Variants in MARK1 observed in about 807,000 individuals in gnomAD.
MARK1 encodes microtubule affinity regulating kinase 1, also known as serine/threonine-protein kinase MARK1.
Under a neutral mutation model 96.3 loss-of-function variants are expected in MARK1, and 40 were observed. The observed-to-expected ratio is 0.42, with a 90% CI of 0.32 to 0.54. The LOEUF (loss-of-function observed/expected upper bound fraction) is 0.54, where lower values mean the gene tolerates loss of function less well. Among genes scored for constraint, MARK1 ranks in the 20% least tolerant of loss-of-function variants. The pLI, the probability that MARK1 is intolerant of heterozygous loss-of-function variation, is 0.16. For missense variants in MARK1, 719 were observed against 984.6 expected (o/e 0.73, Z 3.61); for synonymous variants, 317 against 341.2 (o/e 0.93, Z 0.78).
At chr1:220,600,531 A>G in intron 5 of MARK1, among the ~76,000 whole-genome samples, 1 of 152,186 alleles carries the variant, frequency 6.6e-6, no homozygotes, top group Middle Eastern at 3.2e-3. Context: ...TAAACGAGAA[A>G]TGTGTCAGCT....
intron 1 of MARK1, among the ~76,000 whole-genome samples, chr1:220,558,192 G>T (rs1662420115): frequency 6.7e-6 from 1 of 149,120 alleles, no homozygotes; most frequent in Non-Finnish European, 1.5e-5. Context: ...GGAAATGGCA[G>T]GGGAAACATT....
intron 9 of MARK1, among the ~76,000 whole-genome samples, chr1:220,619,195 C>T (rs1207683147): frequency 6.6e-6 from 1 of 152,208 alleles, no homozygotes; most frequent in Non-Finnish European, 1.5e-5. Context: ...AAATGTAGGG[C>T]TGGGCACGGT....
intron 1 of MARK1, chr1:220,572,005 G>A (rs916933313): frequency 1.3e-5 from 2 of 152,224 alleles, no homozygotes; most frequent in African/African-American, 4.8e-5. Context: ...TTGAGTAGCT[G>A]AGACCACAGG....
chr1:220,614,895 A>G (rs1327656668), intron 6 of MARK1, among the ~76,000 whole-genome samples: 1 of 152,118 alleles, frequency 6.6e-6, no homozygotes, highest in East Asian at 1.9e-4. Context: ...TGTACTTTGA[A>G]GTTTTTTTTC....
intron 1 of MARK1, among the ~76,000 whole-genome samples, chr1:220,558,160 T>C (rs1049927814): frequency 3.4e-5 from 5 of 147,402 alleles, no homozygotes; most frequent in African/African-American, 1.2e-4. Context: ...ATAATAATAA[T>C]AATAATAATA....
intron 17 of MARK1, among the ~76,000 whole-genome samples, chr1:220,658,158 C>G (rs1224834318): frequency 6.6e-6 from 1 of 152,130 alleles, no homozygotes; most frequent in African/African-American, 2.4e-5. Context: ...TAAAATTAGT[C>G]TGAGTCAAAT....
chr1:220,540,031 A>G (rs940574466), intron 1 of MARK1, among the ~76,000 whole-genome samples: 2 of 152,080 alleles, frequency 1.3e-5, no homozygotes, highest in Non-Finnish European at 2.9e-5. Flanking sequence ...AAGGTTTTTG[A>G]TTCCTGATTC....
At chr1:220,571,201 G>A (rs970177784) in intron 1 of MARK1, among the ~76,000 whole-genome samples, 3 of 152,116 alleles carry the variant, frequency 2.0e-5, no homozygotes, top group African/African-American at 7.2e-5. Flanking sequence ...AACAATAGAA[G>A]ATAACATATT....
At chr1:220,626,228 C>T (rs1667321174) in intron 9 of MARK1, 1 of 538,178 alleles carries the variant, frequency 1.9e-6, no homozygotes, top group Non-Finnish European at 3.6e-6. Context: ...GAACTGCTAA[C>T]CTATCACCAG....
intron 13 of MARK1, among the ~76,000 whole-genome samples, chr1:220,644,239 G>C (rs1303176251): frequency 6.6e-6 from 1 of 152,032 alleles, no homozygotes; most frequent in Admixed American, 6.6e-5. Flanking sequence ...CAAGCAAATA[G>C]AAAGCAGAAA....
intron 1 of MARK1, among the ~76,000 whole-genome samples, chr1:220,542,755 C>T (rs1240765734): frequency 1.3e-5 from 2 of 152,142 alleles, no homozygotes; most frequent in Non-Finnish European, 2.9e-5. Flanking sequence ...GTCTCTCTTA[C>T]TCTCTTATAG....
chr1:220,618,864 A>C lies in MARK1; in HGVS notation c.909+109A>C. 1.0e-6 allele frequency: 1 copy of C among 955,496 alleles called. No individual in the cohort carries two copies. The highest frequency in any genetic ancestry group is 1.5e-6 in the Non-Finnish European group (1 of 669,308). 59.2% of individuals were successfully genotyped at this position (955,496 alleles called of 1,614,324 possible). On this transcript the variant is annotated intron_variant, in intron 9 of 17. Coordinates refer to ENST00000366917, the MANE Select transcript of MARK1 (RefSeq NM_018650.5). The surrounding 1 kb of genome is among the most constrained non-coding windows in gnomAD (Gnocchi z 4.6). ...CTTAGGAAAATTGCCAAATTATCTA[A>C]TCTGCCTTTTGTTTGTAGGTAGGGA...
intron 9 of MARK1, among the ~76,000 whole-genome samples, chr1:220,620,216 T>TA (rs904089053): frequency 1.1e-4 from 17 of 152,030 alleles, no homozygotes; most frequent in African/African-American, 3.9e-4. Flanking sequence ...CTTATGGGGT[T>TA]AAAAAAAATG....
chr1:220,574,915 C>T (rs1359474795), intron 1 of MARK1, among the ~76,000 whole-genome samples: 2 of 152,186 alleles, frequency 1.3e-5, no homozygotes, highest in Non-Finnish European at 2.9e-5. Context: ...AGAGCTGTGA[C>T]AGCCCTACCT....
intron 3 of MARK1, among the ~76,000 whole-genome samples, chr1:220,585,984 T>TACACACACACACACACACAC (rs1553322886): frequency 3.8e-5 from 2 of 52,822 alleles, no homozygotes; most frequent in East Asian, 1.2e-3. Context: ...TACATACGTA[T>TACACACACACACACACACAC]ACACACACAC....
intron 1 of MARK1, among the ~76,000 whole-genome samples, chr1:220,561,193 G>C (rs918598648): frequency 6.6e-6 from 1 of 152,184 alleles, no homozygotes; most frequent in African/African-American, 2.4e-5. Context: ...TGAGGTTAAA[G>C]AAAGCTTTGA....
chr1:220,617,749 AT>A (rs1666834436), intron 7 of MARK1, among the ~76,000 whole-genome samples: 3 of 152,146 alleles, frequency 2.0e-5, no homozygotes, highest in African/African-American at 7.2e-5. Flanking sequence ...TGGAGGCTGT[AT>A]TTTTTGGTCA....
chr1:220,572,395 C>A (rs1663532309), intron 1 of MARK1, among the ~76,000 whole-genome samples: 1 of 152,116 alleles, frequency 6.6e-6, no homozygotes, highest in Non-Finnish European at 1.5e-5. Flanking sequence ...GCATGTGCCA[C>A]CACACCTGGC....
chr1:220,547,570 TTC>T (rs1297794117), intron 1 of MARK1, among the ~76,000 whole-genome samples: 8 of 152,304 alleles, frequency 5.3e-5, no homozygotes, highest in South Asian at 4.1e-4. Context: ...TACTGTGATT[TTC>T]TTTTTTTTTT....
Sources: allele counts gnomAD v4.1 joint callset (sites outside exome capture counted in the v4.1 genomes callset), GRCh38; gene constraint gnomAD v4.1.1; non-coding constraint Gnocchi (gnomAD v3.1); transcripts MANE v1.5; gene names NCBI Gene and HGNC (gene_info 2026-07-23, HGNC 2026-07-21).